Variants in FAM53A observed in about 807,000 individuals in gnomAD.
The protein encoded by FAM53A is protein FAM53A.
FAM53A carries 28 observed loss-of-function variants against 26.6 expected under a neutral mutation model. That is an observed-to-expected ratio of 1.05 (90% CI 0.78 to 1.45). FAM53A has a LOEUF of 1.45. Among genes scored for constraint, FAM53A ranks in the 40% most tolerant of loss-of-function variants. FAM53A has a pLI of 0.00. For missense variants in FAM53A, 650 were observed against 575.8 expected (o/e 1.13, Z -1.32); for synonymous variants, 290 against 253.1 (o/e 1.15, Z -1.38).
In FAM53A at chr4:1,657,290, G is replaced by A. The variant is rs924809807; in HGVS notation, c.136+118C>T. On this transcript the variant is annotated intron_variant, in intron 3 of 4. Coordinates refer to ENST00000308132, the MANE Select transcript of FAM53A (RefSeq NM_001174070.3). ...CCCCACGCCCCAGTGCAGGGCACAC[G>A]AACACCTTCCTGGGCTTCTGCAGAT... The A allele has an allele frequency of 4.6e-5, 43 of 937,096 alleles. 1 individual carries two copies. In the South Asian group the frequency reaches 4.8e-4, roughly 10 times the overall value. 58.0% of individuals were successfully genotyped at this position (937,096 alleles called of 1,614,324 possible).
Position 1,641,483 on chromosome 4 carries a change from G to C in FAM53A, c.1007C>G (p.Pro336Arg). Residue 336 changes from proline (P) to arginine (R), a missense_variant, in exon 5 of 5, where the codon CCT (proline) becomes CGT (arginine). By Grantham distance (103) the Pro-to-Arg change is moderately radical. Coordinates refer to ENST00000308132, the MANE Select transcript of FAM53A (RefSeq NM_001174070.3). ...CCTGAGGCCCCTCTGGCTGCAGCCA[G>C]GCATGGTGATGCCAGGGAGGCCCCG... The part of the protein sequence containing the change: ...DSRGLPGITM[P>R]GCSQRGLRTS... 1.2e-6 allele frequency: 2 copies of C among 1,614,222 alleles called. No homozygotes were observed. Among genetic ancestry groups the C allele is most frequent in the Non-Finnish European group, 1.7e-6 (2 of 1,180,038 alleles).
chr4:1,662,987 G>A (rs988310358), intron 2 of FAM53A, among the ~76,000 whole-genome samples: 3 of 151,880 alleles, frequency 2.0e-5, no homozygotes, highest in African/African-American at 7.3e-5. Flanking sequence ...GAGGTCAGGA[G>A]ATTGAGACCA....
At chr4:1,606,633 C>T in the FAM53A span, among the ~76,000 whole-genome samples, 6 of 152,328 alleles carry the variant, frequency 3.9e-5, no homozygotes, top group Non-Finnish European at 8.8e-5. Context: ...GACGATGGCT[C>T]GTTTCACTCA....
chr4:1,652,753 CCACA>C lies in FAM53A; in HGVS notation c.882+2221_882+2224del, dbSNP rs527742975. On this transcript the variant is annotated intron_variant, in intron 4 of 4. Coordinates refer to ENST00000308132, the MANE Select transcript of FAM53A (RefSeq NM_001174070.3). Reference sequence around the variant, plus strand: ...AGAGACCACACACTGCACACACACACCACACACAGACTACACACCACACAGCACA... The same window carrying C: ...AGAGACCACACACTGCACACACACACCACAGACTACACACCACACAGCACA... 4.5e-4 allele frequency among the ~76,000 whole-genome samples: 67 copies of C among 147,620 alleles called. 2 individuals carry two copies. The highest frequency in any genetic ancestry group is 1.5e-3 in the African/African-American group (59 of 40,006).
chr4:1,684,844 G>C (rs1715712411), upstream of FAM53A, among the ~76,000 whole-genome samples: 1 of 152,238 alleles, frequency 6.6e-6, no homozygotes, highest in Non-Finnish European at 1.5e-5. Context: ...GCTCATGGTC[G>C]CCGAGGGCGG....
chr4:1,631,182 C>T (rs1011973906), intron 1 of FAM53A, among the ~76,000 whole-genome samples: 5 of 152,260 alleles, frequency 3.3e-5, no homozygotes, highest in Non-Finnish European at 5.9e-5. Context: ...ACTTGAGAGG[C>T]ATACGACTTG....
At chr4:1,599,534 G>A in the FAM53A span, among the ~76,000 whole-genome samples, 1 of 152,172 alleles carries the variant, frequency 6.6e-6, no homozygotes, top group Non-Finnish European at 1.5e-5. The surrounding 1 kb of genome is among the most constrained non-coding windows in gnomAD (Gnocchi z 6.1). Flanking sequence ...CAGCACAGGT[G>A]GAATGCATGA....
At chr4:1,657,058 G>A (rs971684785) in intron 3 of FAM53A, among the ~76,000 whole-genome samples, 7 of 152,180 alleles carry the variant, frequency 4.6e-5, no homozygotes, top group East Asian at 1.9e-4. Flanking sequence ...TCCAGCTGAC[G>A]CTACAAGCCC....
chr4:1,588,558 G>A, the FAM53A span, among the ~76,000 whole-genome samples: 2 of 152,192 alleles, frequency 1.3e-5, no homozygotes. Context: ...AGGTCCACAT[G>A]GTCAGGAAAG....
chr4:1,627,379 G>A (rs1351555127), intron 1 of FAM53A, among the ~76,000 whole-genome samples: 5 of 152,180 alleles, frequency 3.3e-5, no homozygotes, highest in African/African-American at 7.2e-5. Context: ...GTGAACTGCC[G>A]ACTGACGGAT....
chr4:1,663,735 G>A (rs1340743414), intron 2 of FAM53A, among the ~76,000 whole-genome samples: 4 of 151,754 alleles, frequency 2.6e-5, no homozygotes, highest in Non-Finnish European at 4.4e-5. Flanking sequence ...TTGGGAGGCC[G>A]CATAAGGAGG....
chr4:1,597,722 G>A, the FAM53A span, among the ~76,000 whole-genome samples: 3 of 152,238 alleles, frequency 2.0e-5, no homozygotes, highest in South Asian at 2.1e-4. Flanking sequence ...CCAGCCGGGC[G>A]CGGTGGCTCA....
intron 1 of FAM53A, among the ~76,000 whole-genome samples, chr4:1,672,507 T>C (rs1240767848): frequency 2.0e-5 from 3 of 152,100 alleles, no homozygotes; most frequent in Non-Finnish European, 4.4e-5. Context: ...TGCTTTAAAA[T>C]CACCACTTGA....
chr4:1,585,013 C>A, the FAM53A span, among the ~76,000 whole-genome samples: 1 of 152,048 alleles, frequency 6.6e-6, no homozygotes, highest in Non-Finnish European at 1.5e-5. Context: ...TTACTATGTA[C>A]AAGATGATGT....
intron 1 of FAM53A, among the ~76,000 whole-genome samples, chr4:1,622,506 C>T (rs1286993746): frequency 6.6e-6 from 1 of 152,258 alleles, no homozygotes; most frequent in East Asian, 1.9e-4. Context: ...CGCTGAGGGG[C>T]CGCCCCACCA....
chr4:1,617,094 A>ATCACTGCACTCCAGCCATATACT (rs1553798164), downstream of FAM53A, among the ~76,000 whole-genome samples: 6 of 149,462 alleles, frequency 4.0e-5, no homozygotes, highest in South Asian at 6.3e-4. Flanking sequence ...CTGAGATAGC[A>ATCACTGCACTCCAGCCATATACT]CCACTGCACT....
At chr4:1,619,441 C>T (rs1714933056) in intron 1 of FAM53A, among the ~76,000 whole-genome samples, 2 of 152,212 alleles carry the variant, frequency 1.3e-5, no homozygotes, top group African/African-American at 2.4e-5. Context: ...CCCAGCTCGG[C>T]GTCTCTGGGG....
chr4:1,653,588 T>C (rs778214523), intron 4 of FAM53A, among the ~76,000 whole-genome samples: 13 of 152,216 alleles, frequency 8.5e-5, no homozygotes, highest in Non-Finnish European at 1.9e-4. Context: ...CCACCAGCTT[T>C]CCAGCATTTA....
chr4:1,665,805 G>C (rs1714179445), intron 2 of FAM53A, among the ~76,000 whole-genome samples: 2 of 152,122 alleles, frequency 1.3e-5, no homozygotes. Context: ...CAATGGACAA[G>C]TGCTCCACAA....
Sources: allele counts gnomAD v4.1 joint callset (sites outside exome capture counted in the v4.1 genomes callset), GRCh38; gene constraint gnomAD v4.1.1; non-coding constraint Gnocchi (gnomAD v3.1); transcripts MANE v1.5; gene names NCBI Gene and HGNC (gene_info 2026-07-23, HGNC 2026-07-21).